PRSS23: variants seen among roughly 807,000 people sequenced by gnomAD.
PRSS23 encodes serine protease 23.
A neutral mutation model predicts 34.7 loss-of-function variants in PRSS23; 25 were observed. The ratio of observed to expected loss-of-function variants is 0.72; its 90% CI spans 0.53 to 1.01. The LOEUF is 1.01. Among genes scored for constraint, PRSS23 ranks in the 50% least tolerant of loss-of-function variants. The probability of loss-of-function intolerance (pLI) is 0.00; values close to 1 mark genes in which losing one functional copy is unlikely to be tolerated. For missense variants in PRSS23, 445 were observed against 475.6 expected, an observed-to-expected ratio of 0.94 and a Z score of 0.60; for synonymous variants, 176 against 186.6, an observed-to-expected ratio of 0.94 and a Z score of 0.46.
At chr11:86,942,813 C>G (rs1949214996) in intron 2 of PRSS23, among the ~76,000 whole-genome samples, 1 of 152,202 alleles carries the variant, frequency 6.6e-6, no homozygotes, top group Admixed American at 6.5e-5. Flanking sequence ...AGGTCCAACA[C>G]ATCTTCAAGA....
intron 2 of PRSS23, chr11:86,950,189 T>C (rs1397374316): frequency 6.5e-6 from 1 of 152,674 alleles, no homozygotes; most frequent in Non-Finnish European, 1.5e-5. Context: ...TCTTCCAGAC[T>C]GGCGTCTGCA....
At position 86,807,863 on chromosome 11, in the gene PRSS23, C is replaced by T; in HGVS notation, c.220C>T (p.Pro74Ser). ...SCGPQCHKGT[P>S]LPTYEEAKQY... The stretch of plus-strand genomic sequence containing the variant: ...TGGACCCCAGTGTCATAAGGGAACT[C>T]CACTGCCCACTTACGAAGAGGCCAA... Residue 74 changes from proline to serine, a missense_variant, in exon 2 of 2, where the codon CCA becomes TCA. Physicochemically the swap from Pro to Ser is moderately conservative, Grantham distance 74. Coordinates refer to ENST00000280258, the MANE Select transcript of PRSS23 (RefSeq NM_007173.6). 6.2e-7 allele frequency: 1 copy of T among 1,614,138 alleles called. No homozygotes were observed. The highest frequency in any genetic ancestry group is 8.5e-7 in the Non-Finnish European group (1 of 1,180,036).
intron 2 of PRSS23, among the ~76,000 whole-genome samples, chr11:86,938,747 G>A (rs1159494369): frequency 2.0e-5 from 3 of 151,650 alleles, no homozygotes; most frequent in Non-Finnish European, 2.9e-5. Flanking sequence ...GGGTAGGGGT[G>A]GGGTGGGGCT....
At chr11:86,952,500 A>C (rs371800907) in exon 3 of PRSS23, 189 of 1,605,950 alleles carry the variant, frequency 1.2e-4, no homozygotes, top group South Asian at 1.4e-4. Flanking sequence ...AACACACACA[A>C]AAAAAACAAT....
At chr11:86,882,524 C>T (rs1226150869) in intron 2 of PRSS23, among the ~76,000 whole-genome samples, 3 of 152,010 alleles carry the variant, frequency 2.0e-5, no homozygotes, top group Non-Finnish European at 4.4e-5. Context: ...CATGTCCCTA[C>T]GAAGGGCATG....
chr11:86,916,399 T>G (rs1949013015), intron 2 of PRSS23, among the ~76,000 whole-genome samples: 1 of 152,110 alleles, frequency 6.6e-6, no homozygotes, highest in East Asian at 1.9e-4. Flanking sequence ...GTTCCCCAAA[T>G]CCACCTCTGG....
intron 2 of PRSS23, among the ~76,000 whole-genome samples, chr11:86,879,809 C>G (rs1413986950): frequency 2.5e-5 from 2 of 79,034 alleles, no homozygotes; most frequent in African/African-American, 5.3e-5. Context: ...CCGCCCCGTC[C>G]GGGAGGGAGG....
chr11:86,819,722 T>C (rs1347721039), intron 1 of PRSS23, among the ~76,000 whole-genome samples: 1 of 152,220 alleles, frequency 6.6e-6, no homozygotes, highest in Non-Finnish European at 1.5e-5. Context: ...TCTCAAAATA[T>C]GGTATAAATT....
At chr11:86,943,387 G>A (rs903517635) in intron 2 of PRSS23, among the ~76,000 whole-genome samples, 2 of 152,242 alleles carry the variant, frequency 1.3e-5, no homozygotes, top group Non-Finnish European at 1.5e-5. Context: ...CACTTTGGGA[G>A]GCTGAGGCGG....
At chr11:86,792,196 T>G (rs1316882272) in intron 1 of PRSS23, among the ~76,000 whole-genome samples, 1 of 149,820 alleles carries the variant, frequency 6.7e-6, no homozygotes, top group Non-Finnish European at 1.5e-5. Context: ...TTGGTAGGCC[T>G]CGGGAGATCA....
At chr11:86,936,175 C>T (rs1156967992) in intron 2 of PRSS23, 1 of 152,212 alleles carries the variant, frequency 6.6e-6, no homozygotes, top group African/African-American at 2.4e-5. Context: ...TTGTGAACCA[C>T]CTGGCAGGAC....
At chr11:86,924,903 T>C (rs1431640304) in intron 2 of PRSS23, 2 of 152,210 alleles carry the variant, frequency 1.3e-5, no homozygotes, top group East Asian at 1.9e-4. Context: ...GTGACACTTT[T>C]AGAATCAACA....
intron 2 of PRSS23, among the ~76,000 whole-genome samples, chr11:86,854,828 G>A (rs1948556549): frequency 6.6e-6 from 1 of 152,072 alleles, no homozygotes; most frequent in Non-Finnish European, 1.5e-5. Flanking sequence ...CATATGTGTG[G>A]GAAGTTATTC....
At chr11:86,952,291 G>C in exon 3 of PRSS23, 1 of 1,614,198 alleles carries the variant, frequency 6.2e-7, no homozygotes, top group Non-Finnish European at 8.5e-7. Flanking sequence ...TGCACATGTG[G>C]TTGTGGTCGT....
intron 2 of PRSS23, among the ~76,000 whole-genome samples, chr11:86,876,936 C>T (rs1177065457): frequency 6.6e-6 from 1 of 152,190 alleles, no homozygotes; most frequent in African/African-American, 2.4e-5. Flanking sequence ...CTAATGTCAA[C>T]TGAGTAAAGA....
chr11:86,871,203 G>GGTAC (rs1418267205), intron 2 of PRSS23, among the ~76,000 whole-genome samples: 1 of 151,982 alleles, frequency 6.6e-6, no homozygotes, highest in East Asian at 1.9e-4. Context: ...TTTTAGGGTG[G>GGTAC]GTGTAGAGTT....
At chr11:86,827,704 C>T (rs1368375848) in intron 2 of PRSS23, among the ~76,000 whole-genome samples, 4 of 152,072 alleles carry the variant, frequency 2.6e-5, no homozygotes, top group Non-Finnish European at 4.4e-5. Flanking sequence ...TCTTTGTTCT[C>T]GTTGGTTTCA....
chr11:86,890,461 G>A (rs1948834028), intron 2 of PRSS23, among the ~76,000 whole-genome samples: 1 of 152,184 alleles, frequency 6.6e-6, no homozygotes, highest in African/African-American at 2.4e-5. Context: ...TTGTATCCAT[G>A]TAGGGTAAAT....
chr11:86,911,574 A>G (rs1364460402), intron 2 of PRSS23: 4 of 152,154 alleles, frequency 2.6e-5, no homozygotes, highest in African/African-American at 9.7e-5. Context: ...AACATGCAGT[A>G]TCGGATTTTG....
Sources: gnomAD v4.1 joint callset for allele counts (sites outside exome capture counted in the v4.1 genomes callset) on GRCh38, gnomAD v4.1.1 for gene constraint, MANE v1.5 for transcripts, NCBI Gene and HGNC (gene_info 2026-07-23, HGNC 2026-07-21) for gene names.